ESRP1: variants seen among roughly 807,000 people sequenced by gnomAD.
ESRP1 encodes epithelial splicing regulatory protein 1.
Under a neutral mutation model 81.7 loss-of-function variants are expected in ESRP1, and 33 were observed. The observed-to-expected ratio is 0.40, with a 90% CI of 0.31 to 0.54. ESRP1 has a LOEUF of 0.54. Among genes scored for constraint, ESRP1 ranks in the 20% least tolerant of loss-of-function variants. The pLI, the probability that ESRP1 is intolerant of heterozygous loss-of-function variation, is 0.41. For missense variants in ESRP1, 672 were observed against 833.1 expected, an observed-to-expected ratio of 0.81 and a Z score of 2.38; for synonymous variants, 320 against 303.3, an observed-to-expected ratio of 1.06 and a Z score of -0.57.
At chr8:94,645,363 A>T in intron 3 of ESRP1, among the ~76,000 whole-genome samples, 1 of 152,124 alleles carries the variant, frequency 6.6e-6, no homozygotes. Flanking sequence ...TTTAAGAAAA[A>T]TCTGAATTGA....
At chr8:94,694,208 T>G (rs1298280267) in intron 14 of ESRP1, among the ~76,000 whole-genome samples, 1 of 152,242 alleles carries the variant, frequency 6.6e-6, no homozygotes, top group Admixed American at 6.5e-5. Flanking sequence ...TGAATTAATT[T>G]CTTTTTCATT....
chr8:94,691,599 T>C (rs143714549), intron 13 of ESRP1, among the ~76,000 whole-genome samples: 1 of 152,344 alleles, frequency 6.6e-6, no homozygotes, highest in Admixed American at 6.5e-5. Flanking sequence ...GTGCTAATTA[T>C]AGACAGAGTC....
intron 10 of ESRP1, among the ~76,000 whole-genome samples, chr8:94,669,130 A>T (rs1819176952): frequency 2.0e-5 from 3 of 152,206 alleles, no homozygotes; most frequent in Admixed American, 2.0e-4. Context: ...CACTTCCTCA[A>T]AATGTACTAA....
At chr8:94,682,933 T>TATATATATATA (rs1491122070) in intron 13 of ESRP1, among the ~76,000 whole-genome samples, 8 of 16,964 alleles carry the variant, frequency 4.7e-4, no homozygotes, top group African/African-American at 1.3e-3. Context: ...TATATATATA[T>TATATATATATA]TTTTTTTTTT....
At chr8:94,667,433 A>AT (rs1819085531) in intron 9 of ESRP1, among the ~76,000 whole-genome samples, 1 of 79,028 alleles carries the variant, frequency 1.3e-5, no homozygotes, top group Non-Finnish European at 3.0e-5. Flanking sequence ...ACCTTTCTTA[A>AT]TTAAAAAAAA....
chr8:94,668,478 G>T, intron 10 of ESRP1: 1 of 342,348 alleles, frequency 2.9e-6, no homozygotes, highest in Non-Finnish European at 5.2e-6. Context: ...TGCTATAGCT[G>T]GATTTTTGTA....
At chr8:94,667,475 T>C (rs958600687) in intron 9 of ESRP1, among the ~76,000 whole-genome samples, 29 of 152,098 alleles carry the variant, frequency 1.9e-4, no homozygotes, top group Admixed American at 1.8e-3. Flanking sequence ...CAGATGGTTT[T>C]CTTGGGAGCA....
chr8:94,655,087 GTTT>G (rs1165477452), intron 4 of ESRP1, among the ~76,000 whole-genome samples: 18 of 146,842 alleles, frequency 1.2e-4, no homozygotes, highest in South Asian at 2.2e-4. Flanking sequence ...GTGTGTGTGT[GTTT>G]TGTTTTGTTT....
intron 15 of ESRP1, among the ~76,000 whole-genome samples, chr8:94,698,182 C>T (rs571885869): frequency 3.1e-4 from 47 of 152,310 alleles, no homozygotes; most frequent in Middle Eastern, 3.4e-3. Flanking sequence ...TATTGTGCAG[C>T]CAGGTACCGC....
rs1331472267 is a variant in ESRP1, at chr8:94,662,564, T to G, written c.644+9T>G. 1 of 1,589,610 alleles carries G rather than the reference T, an allele frequency of 6.3e-7. No homozygotes were observed. The highest frequency in any genetic ancestry group is 8.6e-7 in the Non-Finnish European group (1 of 1,168,044). On this transcript the variant is annotated intron_variant, in intron 6 of 15. Transcript: ENST00000433389. ...TTTGAAAGTGGAACTTGGTAAGTGC[T>G]TGAGTACTATTTATTTGAGCTTTTT...
In ESRP1 at chr8:94,705,955, C is replaced by G; in HGVS notation, c.*66C>G. 6.6e-7 allele frequency: 1 copy of G among 1,523,394 alleles called. No individual in the cohort carries two copies. Among genetic ancestry groups the G allele is most frequent in the South Asian group, 1.3e-5 (1 of 78,700 alleles). 94.4% of individuals were successfully genotyped at this position (1,523,394 alleles called of 1,614,324 possible). A position where few individuals can be genotyped will look rare whatever the true frequency, so the allele number is the denominator to read the frequency against. On this transcript the variant is annotated 3_prime_UTR_variant, in exon 16 of 16. Transcript: ENST00000433389. ...GAAAGATGTATGGTGATCTTGAAAC[C>G]TCCAGACACAAGAAAACTTCTAGCA...
Position 94,692,751 on chromosome 8 carries a change from G to A in ESRP1, c.1895G>A (p.Gly632Asp), listed in dbSNP as rs1809454246. 6.2e-7 allele frequency: 1 copy of A among 1,613,788 alleles called. No individual in the cohort carries two copies. Among genetic ancestry groups the A allele is most frequent in the Non-Finnish European group, 8.5e-7 (1 of 1,179,874 alleles). ...ANLSGVPPQP[G>D]TVVRMQGLAY... ...CTTAGCGGTGTCCCTCCACAGCCTG[G>A]CACGGTGGTCAGAATGCAGGGCCTG... Residue 632 changes from glycine to aspartate, a missense_variant, in exon 14 of 16, where the codon GGC becomes GAC. Coordinates refer to ENST00000433389, the MANE Select transcript of ESRP1 (RefSeq NM_017697.4).
intron 9 of ESRP1, among the ~76,000 whole-genome samples, chr8:94,665,667 A>G (rs1818981772): frequency 6.6e-6 from 1 of 151,892 alleles, no homozygotes; most frequent in Non-Finnish European, 1.5e-5. Flanking sequence ...AACTTTTTGT[A>G]TTTTTAATAG....
Position 94,664,619 on chromosome 8 carries a change from C to T in ESRP1, c.645-78C>T, listed in dbSNP as rs962193406. The T allele has an allele frequency of 9.1e-5, 87 of 952,980 alleles. No individual in the cohort carries two copies. The African/African-American group carries it at 1.3e-3, about 14-fold the overall frequency. 59.0% of individuals were successfully genotyped at this position (952,980 alleles called of 1,614,324 possible). Reference sequence around the variant, plus strand: ...AAATAATACATCCTGTGTAACTAGGCAGTTGTCTTGCAGGGGGTAATAGGT... The same window carrying T: ...AAATAATACATCCTGTGTAACTAGGTAGTTGTCTTGCAGGGGGTAATAGGT... On this transcript the variant is annotated intron_variant, in intron 6 of 15. Transcript: ENST00000433389.
rs1047664263 is a variant in ESRP1, at chr8:94,707,258, T to C, written c.*1369T>C. 4.0e-5 allele frequency: 6 copies of C among 150,318 alleles called. No homozygotes were observed. The highest frequency in any genetic ancestry group is 1.5e-4 in the African/African-American group (6 of 40,772). The allele number at this position is 150,318 out of a possible 1,614,324, so 9.3% of individuals were successfully genotyped here. On this transcript the variant is annotated 3_prime_UTR_variant, in exon 16 of 16. Coordinates refer to ENST00000433389, the MANE Select transcript of ESRP1 (RefSeq NM_017697.4). ...ACTGGCAATGGCCCTTTAACTGCAA[T>C]AGGAAGAAAAAAAAAAAGGTTTGTG...
Position 94,706,009 on chromosome 8 carries a change from G to C in ESRP1, c.*120G>C, listed in dbSNP as rs574752847. 47 of 1,453,106 alleles carry C rather than the reference G, an allele frequency of 3.2e-5. No individual in the cohort carries two copies. The East Asian group carries it at 1.2e-3, about 36-fold the overall frequency. The allele number at this position is 1,453,106 out of a possible 1,614,324, so 90.0% of individuals were successfully genotyped here. On this transcript the variant is annotated 3_prime_UTR_variant, in exon 16 of 16. Transcript: ENST00000433389. ...TCAGGGGAAGTTTGTCTACACTCAG[G>C]CTGCAGTATTTTCAGCAAACTTGAT...
chr8:94,673,093 C>G (rs1209107831), intron 11 of ESRP1, among the ~76,000 whole-genome samples: 1 of 152,218 alleles, frequency 6.6e-6, no homozygotes, highest in Admixed American at 6.5e-5. Context: ...AGCACATGCT[C>G]ATTCTAAGTC....
chr8:94,681,129 T>G (rs372231693), intron 13 of ESRP1, among the ~76,000 whole-genome samples: 1 of 150,680 alleles, frequency 6.6e-6, no homozygotes, highest in Admixed American at 6.6e-5. Flanking sequence ...ATAGAGACCA[T>G]CCTGGCTAAC....
At chr8:94,685,104 A>G (rs1339250593) in intron 13 of ESRP1, among the ~76,000 whole-genome samples, 1 of 151,888 alleles carries the variant, frequency 6.6e-6, no homozygotes, top group African/African-American at 2.4e-5. Context: ...ACTTCTGACT[A>G]CCTTTATTTT....
Sources: allele counts gnomAD v4.1 joint callset (sites outside exome capture counted in the v4.1 genomes callset), GRCh38; gene constraint gnomAD v4.1.1; transcripts MANE v1.5; gene names NCBI Gene and HGNC (gene_info 2026-07-23, HGNC 2026-07-21).